Variants in ALX4 observed in about 807,000 individuals in gnomAD.
ALX4 encodes ALX homeobox 4, also known as homeobox protein aristaless-like 4.
A neutral mutation model predicts 40.6 loss-of-function variants in ALX4; 22 were observed. The observed-to-expected ratio is 0.54, with a 90% CI of 0.39 to 0.77. The LOEUF is 0.77. ALX4 is among the 30% of genes least tolerant of loss of function. ALX4 has a pLI of 0.00. For synonymous variants in ALX4, 266 were observed against 240.5 expected, an observed-to-expected ratio of 1.11 and a Z score of -0.98; for missense variants, 556 against 564.8, an observed-to-expected ratio of 0.98 and a Z score of 0.16.
chr11:44,304,624 G>T (rs1377657200), intron 1 of ALX4, among the ~76,000 whole-genome samples: 1 of 152,142 alleles, frequency 6.6e-6, no homozygotes, highest in Non-Finnish European at 1.5e-5. Flanking sequence ...CAAACGCGCC[G>T]GACGTCAACA....
At chr11:44,286,027 C>T (rs1055065975) in intron 1 of ALX4, among the ~76,000 whole-genome samples, 3 of 152,232 alleles carry the variant, frequency 2.0e-5, no homozygotes, top group African/African-American at 7.2e-5. Context: ...TCTGGTTTGG[C>T]TGGGGCAGCT....
In ALX4 at chr11:44,309,726, G is replaced by GCGGCGA. The variant is rs756167646; in HGVS notation, c.336_337insTCGCCG (p.Pro112_Gln113insSerPro). ...TGCGGTTGCGCGGGCGGCTGGGGCT[G>GCGGCGA]CGGCTGCTGCTGCTGCGGCTGCGGC... On this transcript the variant is annotated inframe_insertion, in exon 1 of 4. Transcript: ENST00000652299. 399 of 1,562,016 alleles carry GCGGCGA rather than the reference G, an allele frequency of 2.6e-4. No homozygotes were observed. Among genetic ancestry groups the GCGGCGA allele is most frequent in the Non-Finnish European group, 2.9e-5 (33 of 1,154,670 alleles).
At chr11:44,285,169 TG>T (rs1180016516) in intron 1 of ALX4, among the ~76,000 whole-genome samples, 1 of 152,238 alleles carries the variant, frequency 6.6e-6, no homozygotes, top group Non-Finnish European at 1.5e-5. Context: ...TTCGCCATGT[TG>T]GCCAGGCTGG....
intron 2 of ALX4, among the ~76,000 whole-genome samples, chr11:44,271,724 G>GTAA (rs762349046): frequency 6.6e-6 from 1 of 152,190 alleles, no homozygotes; most frequent in Non-Finnish European, 1.5e-5. Context: ...GCGCATGTGT[G>GTAA]TGTGCAGAGA....
chr11:44,278,779 T>A (rs1400739051), intron 1 of ALX4, among the ~76,000 whole-genome samples: 1 of 152,060 alleles, frequency 6.6e-6, no homozygotes, highest in East Asian at 1.9e-4. Context: ...TAGTTGAGGG[T>A]CCCTCCTCCC....
Position 44,263,522 on chromosome 11 carries a change from G to A in ALX4, c.*1332C>T, listed in dbSNP as rs1956194478. 1 of 152,392 alleles carries A rather than the reference G, an allele frequency of 6.6e-6. No homozygotes were observed. Among genetic ancestry groups the A allele is most frequent in the Non-Finnish European group, 1.5e-5 (1 of 68,162 alleles). 9.4% of individuals were successfully genotyped at this position (152,392 alleles called of 1,614,324 possible). A position where few individuals can be genotyped will look rare whatever the true frequency, so the allele number is the denominator to read the frequency against. On this transcript the variant is annotated 3_prime_UTR_variant, in exon 4 of 4. Coordinates refer to ENST00000652299, the MANE Select transcript of ALX4 (RefSeq NM_021926.4). Reference sequence around the variant, plus strand: ...CAGGAGCCCTTCCGCAGGCTGGAGAGAGGGCAGAGAGTCCTGGTCCCTGTG... The same window carrying A: ...CAGGAGCCCTTCCGCAGGCTGGAGAAAGGGCAGAGAGTCCTGGTCCCTGTG...
At chr11:44,269,538 G>T (rs534565322) in intron 2 of ALX4, among the ~76,000 whole-genome samples, 1 of 152,254 alleles carries the variant, frequency 6.6e-6, no homozygotes, top group African/African-American at 2.4e-5. Context: ...ACCCACTAGT[G>T]TGGCTACACG....
At chr11:44,283,453 T>C (rs568375319) in intron 1 of ALX4, among the ~76,000 whole-genome samples, 1 of 152,280 alleles carries the variant, frequency 6.6e-6, no homozygotes, top group African/African-American at 2.4e-5. Context: ...CATGTCATAG[T>C]TTAATATGTA....
chr11:44,279,591 C>A (rs1234274534), intron 1 of ALX4, among the ~76,000 whole-genome samples: 1 of 152,232 alleles, frequency 6.6e-6, no homozygotes, highest in African/African-American at 2.4e-5. Context: ...AGGCTGACTG[C>A]TCCTGACCAA....
At position 44,261,121 on chromosome 11, in the gene ALX4, T is replaced by C. The variant is rs1047507687; in HGVS notation, c.*3733A>G. 3 of 152,204 alleles carry C rather than the reference T, an allele frequency of 2.0e-5. No individual in the cohort carries two copies. Among genetic ancestry groups the C allele is most frequent in the African/African-American group, 7.2e-5 (3 of 41,444 alleles). The allele number at this position is 152,204 out of a possible 1,614,324, so 9.4% of individuals were successfully genotyped here. On this transcript the variant is annotated 3_prime_UTR_variant, in exon 4 of 4. Coordinates refer to ENST00000652299, the MANE Select transcript of ALX4 (RefSeq NM_021926.4). ...TTTTAACTGGATAGTCACAGAGTAT[T>C]ATCCTGGGGGCCAGTTTACCAACCA...
At chr11:44,306,049 C>T (rs932541102) in intron 1 of ALX4, among the ~76,000 whole-genome samples, 5 of 152,232 alleles carry the variant, frequency 3.3e-5, no homozygotes, top group Non-Finnish European at 5.9e-5. Context: ...GACATGTCTC[C>T]TGTGGCCCAG....
chr11:44,301,984 TG>T (rs1345428625), intron 1 of ALX4, among the ~76,000 whole-genome samples: 2 of 152,038 alleles, frequency 1.3e-5, no homozygotes, highest in Non-Finnish European at 2.9e-5. Context: ...GGGGGGTGGT[TG>T]GGCCCCACCG....
chr11:44,301,877 G>C (rs754465538), intron 1 of ALX4, among the ~76,000 whole-genome samples: 5 of 152,336 alleles, frequency 3.3e-5, no homozygotes, highest in Middle Eastern at 6.8e-3. Flanking sequence ...AGCCACACGG[G>C]ACAGAGGGTA....
In ALX4 at chr11:44,262,385, A is replaced by T. The variant is rs886048293; in HGVS notation, c.*2469T>A. ...GACGAGATGAACAGGAATGTTTCAC[A>T]TTGGCATGTTTAATCCTAGACACTT... On this transcript the variant is annotated 3_prime_UTR_variant, in exon 4 of 4. Transcript: ENST00000652299. The T allele has an allele frequency of 2.0e-5, 3 of 152,258 alleles. No homozygotes were observed. The East Asian group carries it at 5.8e-4, about 29-fold the overall frequency. The allele number at this position is 152,258 out of a possible 1,614,324, so 9.4% of individuals were successfully genotyped here. A position where few individuals can be genotyped will look rare whatever the true frequency, so the allele number is the denominator to read the frequency against.
chr11:44,283,826 A>G (rs1461641591), intron 1 of ALX4, among the ~76,000 whole-genome samples: 3 of 152,126 alleles, frequency 2.0e-5, no homozygotes, highest in African/African-American at 7.2e-5. Flanking sequence ...GGTCTCCCAA[A>G]GTGCTGGGAT....
At chr11:44,289,731 T>C (rs1956358757) in intron 1 of ALX4, among the ~76,000 whole-genome samples, 1 of 152,190 alleles carries the variant, frequency 6.6e-6, no homozygotes, top group Non-Finnish European at 1.5e-5. Flanking sequence ...TGGAGATCAC[T>C]TCCTGATGCC....
Position 44,264,785 on chromosome 11 carries a change from G to T in ALX4, c.*69C>A. The stretch of plus-strand genomic sequence containing the variant: ...TCCTAAGAGGAAAGTCGAGTGGGAG[G>T]CTGGGGGCCTGGAAAACATGGGCGT... On this transcript the variant is annotated 3_prime_UTR_variant, in exon 4 of 4. Coordinates refer to ENST00000652299, the MANE Select transcript of ALX4 (RefSeq NM_021926.4). 1 of 1,559,108 alleles carries T rather than the reference G, an allele frequency of 6.4e-7. No individual in the cohort carries two copies. Among genetic ancestry groups the T allele is most frequent in the Non-Finnish European group, 8.7e-7 (1 of 1,143,402 alleles).
At position 44,309,759 on chromosome 11, in the gene ALX4, G is replaced by GCGA. The variant is rs1565013575; in HGVS notation, c.303_304insTCG (p.Pro101_Pro102insSer). The stretch of plus-strand genomic sequence containing the variant: ...TGCTGCTGCGGCTGCGGCTGCGGCG[G>GCGA]CGGCTGGGGCTGCGGGGTCGACGGC... On this transcript the variant is annotated inframe_insertion, in exon 1 of 4. Coordinates refer to ENST00000652299, the MANE Select transcript of ALX4 (RefSeq NM_021926.4). 22 of 1,546,954 alleles carry GCGA rather than the reference G, an allele frequency of 1.4e-5. No homozygotes were observed. The highest frequency in any genetic ancestry group is 1.1e-4 in the South Asian group (9 of 84,292).
rs533256633 is a variant in ALX4 at position 44,303,649 on chromosome 11, C to T, written c.466+5948G>A. Among the ~76,000 whole-genome samples the T allele has an allele frequency of 2.6e-5, 4 of 152,312 alleles. No homozygotes were observed. The South Asian group carries it at 6.2e-4, about 24-fold the overall frequency. ...CCCTTCCATTCCTCTCTTTCCTCGG[C>T]GCTGGCTGGTGCGGGTTGGGGTCAG... On this transcript the variant is annotated intron_variant, in intron 1 of 3. Coordinates refer to ENST00000652299, the MANE Select transcript of ALX4 (RefSeq NM_021926.4).
Sources: gnomAD v4.1 joint callset for allele counts (sites outside exome capture counted in the v4.1 genomes callset) on GRCh38, gnomAD v4.1.1 for gene constraint, MANE v1.5 for transcripts, NCBI Gene and HGNC (gene_info 2026-07-23, HGNC 2026-07-21) for gene names.